Variants in STXBP4 observed in about 807,000 individuals in gnomAD.
STXBP4 encodes the protein syntaxin binding protein 4.
Under a neutral mutation model 76.1 loss-of-function variants are expected in STXBP4, and 55 were observed. That is an observed-to-expected ratio of 0.72 (90% CI 0.58 to 0.91). STXBP4 has a LOEUF of 0.91. Ranked by LOEUF, STXBP4 falls within the 40% of genes least tolerant of loss-of-function variation. The probability of loss-of-function intolerance (pLI) is 0.00; values close to 1 mark genes in which losing one functional copy is unlikely to be tolerated. For missense variants in STXBP4, 618 were observed against 636.9 expected (o/e 0.97, Z 0.32); for synonymous variants, 201 against 220.2 (o/e 0.91, Z 0.77).
chr17:55,083,937 C>T (rs1388047410), intron 16 of STXBP4, among the ~76,000 whole-genome samples: 5 of 152,124 alleles, frequency 3.3e-5, no homozygotes, highest in Non-Finnish European at 7.4e-5. Flanking sequence ...GTGACAAGGT[C>T]TCTTTATAGA....
the STXBP4 span, among the ~76,000 whole-genome samples, chr17:55,185,189 TTTCTTCTTCTTCTTCTTCTTCTTC>T: frequency 7.1e-4 from 62 of 87,732 alleles, no homozygotes; most frequent in Non-Finnish European, 9.8e-4. Context: ...TCTTCTTCTT[TTTCTTCTTCTTCTTCTTCTTCTTC>T]TTCTTCTTCT....
At position 55,142,883 on chromosome 17, in the gene STXBP4, A is replaced by C. The variant is rs145516931; in HGVS notation, c.1547+1516A>C. The stretch of plus-strand genomic sequence containing the variant: ...ATGTGCAGATTACATTTAGTGCCAC[A>C]CTCTTTACTTCCAGAATCAGACCTC... On this transcript the variant is annotated intron_variant, in intron 17 of 17. Coordinates refer to ENST00000376352, the MANE Select transcript of STXBP4 (RefSeq NM_178509.6). 3.0e-4 allele frequency among the ~76,000 whole-genome samples: 46 copies of C among 152,204 alleles called. No homozygotes were observed. The East Asian group carries it at 8.3e-3, about 27-fold the overall frequency.
Position 55,168,246 on chromosome 17 carries a change from C to CCACA in STXBP4, c.*8353_*8356dup, listed in dbSNP as rs56080414. On this transcript the variant is annotated 3_prime_UTR_variant, in exon 18 of 18. Coordinates refer to ENST00000376352, the MANE Select transcript of STXBP4 (RefSeq NM_178509.6). ...ATATATATCTGTGTGTATATACACA[C>CCACA]CACACACACACACACACACACGTAT... The CCACA allele has an allele frequency of 1.5e-4, 22 of 150,116 alleles. No homozygotes were observed. The highest frequency in any genetic ancestry group is 9.9e-4 in the East Asian group (5 of 5,048). 9.3% of individuals were successfully genotyped at this position (150,116 alleles called of 1,614,324 possible).
chr17:55,202,578 G>T, the STXBP4 span, among the ~76,000 whole-genome samples: 3,221 of 152,094 alleles, frequency 0.021, 123 homozygotes, highest in African/African-American at 0.073. Context: ...GTAGTAAGAG[G>T]AATAAAACTG....
intron 12 of STXBP4, among the ~76,000 whole-genome samples, chr17:55,052,405 C>T (rs970704831): frequency 4.6e-5 from 7 of 152,004 alleles, no homozygotes; most frequent in Non-Finnish European, 1.0e-4. Context: ...CGGTATCATT[C>T]GTAAATTGAT....
At chr17:55,189,763 T>C in the STXBP4 span, among the ~76,000 whole-genome samples, 1 of 152,184 alleles carries the variant, frequency 6.6e-6, no homozygotes, top group African/African-American at 2.4e-5. Flanking sequence ...ACGAAAAATA[T>C]GAGAAAGTAT....
At position 55,081,908 on chromosome 17, in the gene STXBP4, A is replaced by G. The variant is rs182491410; in HGVS notation, c.1489+725A>G. Among the ~76,000 whole-genome samples, 217 of 152,228 alleles carry G rather than the reference A, an allele frequency of 1.4e-3. 1 individual carries two copies. The highest frequency in any genetic ancestry group is 5.0e-3 in the African/African-American group (208 of 41,540). On this transcript the variant is annotated intron_variant, in intron 16 of 17. Coordinates refer to ENST00000376352, the MANE Select transcript of STXBP4 (RefSeq NM_178509.6). The stretch of plus-strand genomic sequence containing the variant: ...AGAGAAATCCTTGGGGAAAACTTAA[A>G]TGATTGGACATTTTCCTCTTTTTCT...
At position 55,167,973 on chromosome 17, in the gene STXBP4, T is replaced by C. The variant is rs2080385152; in HGVS notation, c.*8062T>C. 1 of 152,212 alleles carries C rather than the reference T, an allele frequency of 6.6e-6. No individual in the cohort carries two copies. The highest frequency in any genetic ancestry group is 2.1e-4 in the South Asian group (1 of 4,828). 9.4% of individuals were successfully genotyped at this position (152,212 alleles called of 1,614,324 possible). ...TTCTGTGGAATGGAATATGAAAAGA[T>C]GTTTATGAGCAGATTCTATTTCTTT... On this transcript the variant is annotated 3_prime_UTR_variant, in exon 18 of 18. Coordinates refer to ENST00000376352, the MANE Select transcript of STXBP4 (RefSeq NM_178509.6).
chr17:55,037,081 T>C (rs1479749733), intron 10 of STXBP4, among the ~76,000 whole-genome samples: 1 of 152,134 alleles, frequency 6.6e-6, no homozygotes, highest in Non-Finnish European at 1.5e-5. Context: ...TCTGTAACCC[T>C]CAGGAGAGTG....
At chr17:55,019,865 C>G (rs2078275812) in intron 8 of STXBP4, among the ~76,000 whole-genome samples, 1 of 152,050 alleles carries the variant, frequency 6.6e-6, no homozygotes, top group Non-Finnish European at 1.5e-5. Context: ...TCTGTTGTTG[C>G]TGTTTTGAGA....
At chr17:55,050,487 G>A (rs1367982679) in intron 12 of STXBP4, among the ~76,000 whole-genome samples, 1 of 151,870 alleles carries the variant, frequency 6.6e-6, no homozygotes, top group African/African-American at 2.4e-5. Flanking sequence ...ATTCATTGGG[G>A]GATGACGGAG....
At chr17:55,185,045 A>AT in the STXBP4 span, among the ~76,000 whole-genome samples, 1 of 151,784 alleles carries the variant, frequency 6.6e-6, no homozygotes, top group South Asian at 2.1e-4. Flanking sequence ...TAATTTTTGT[A>AT]TTTTTTGTAG....
In STXBP4 at chr17:55,172,271, A is replaced by G. The variant is rs2080410978; in HGVS notation, c.*12360A>G. ...AACACCTGGAGAGATTTTAAAATTT[A>G]CAAAGCCTAGCCAAACCCCAGACCC... On this transcript the variant is annotated 3_prime_UTR_variant, in exon 18 of 18. Transcript: ENST00000376352. 1 of 152,222 alleles carries G rather than the reference A, an allele frequency of 6.6e-6. No homozygotes were observed. The highest frequency in any genetic ancestry group is 1.5e-5 in the Non-Finnish European group (1 of 68,068). 9.4% of individuals were successfully genotyped at this position (152,222 alleles called of 1,614,324 possible). A position where few individuals can be genotyped will look rare whatever the true frequency, so the allele number is the denominator to read the frequency against.
At chr17:55,094,704 A>G (rs1469852602) in intron 16 of STXBP4, among the ~76,000 whole-genome samples, 1 of 152,164 alleles carries the variant, frequency 6.6e-6, no homozygotes, top group Non-Finnish European at 1.5e-5. Flanking sequence ...GCACTAATCA[A>G]CTATTGGATA....
chr17:54,988,905 A>G (rs1224061194), intron 3 of STXBP4, among the ~76,000 whole-genome samples: 3 of 152,210 alleles, frequency 2.0e-5, no homozygotes, highest in Admixed American at 6.5e-5. Flanking sequence ...TGAATTCAGT[A>G]TACCTGTGAT....
chr17:55,108,068 C>T (rs1265334121), intron 16 of STXBP4, among the ~76,000 whole-genome samples: 3 of 152,202 alleles, frequency 2.0e-5, no homozygotes, highest in Non-Finnish European at 4.4e-5. Context: ...GGAGTTTTAT[C>T]TATAAGCCCC....
At chr17:55,198,094 T>C in the STXBP4 span, among the ~76,000 whole-genome samples, 1 of 152,240 alleles carries the variant, frequency 6.6e-6, no homozygotes, top group Non-Finnish European at 1.5e-5. Context: ...AGGTTTCTCA[T>C]TGGCCACTTG....
intron 16 of STXBP4, among the ~76,000 whole-genome samples, chr17:55,122,744 CTA>C (rs931373880): frequency 1.1e-4 from 16 of 152,012 alleles, no homozygotes; most frequent in African/African-American, 3.4e-4. Flanking sequence ...AGATATGTGT[CTA>C]TGTGTGCTAA....
chr17:54,993,079 TAG>T (rs1255426871), intron 4 of STXBP4, among the ~76,000 whole-genome samples: 1 of 152,180 alleles, frequency 6.6e-6, no homozygotes, highest in African/African-American at 2.4e-5. Flanking sequence ...TATTTGGAGT[TAG>T]AGTAATAAGT....
Sources: allele counts gnomAD v4.1 joint callset (sites outside exome capture counted in the v4.1 genomes callset), GRCh38; gene constraint gnomAD v4.1.1; transcripts MANE v1.5; gene names NCBI Gene and HGNC (gene_info 2026-07-23, HGNC 2026-07-21).